CACNA1A: variants seen among roughly 807,000 people sequenced by gnomAD.
CACNA1A encodes the protein calcium voltage-gated channel subunit alpha1 A.
In CACNA1A, 57 loss-of-function variants were observed where a neutral mutation model predicts 262.4. The ratio of observed to expected loss-of-function variants is 0.22; its 90% CI spans 0.18 to 0.27. The LOEUF is 0.27. CACNA1A is among the 10% of genes least tolerant of loss of function. The pLI is 1.00. For synonymous variants in CACNA1A, 1,431 were observed against 1,419.3 expected, an observed-to-expected ratio of 1.01 and a Z score of -0.18; for missense variants, 2,526 against 3,562.8, an observed-to-expected ratio of 0.71 and a Z score of 7.41.
chr19:13,472,689 G>C (rs763520335), intron 1 of CACNA1A, among the ~76,000 whole-genome samples: 2 of 152,042 alleles, frequency 1.3e-5, no homozygotes, highest in Non-Finnish European at 2.9e-5. Flanking sequence ...CTTCACTTAC[G>C]TGGTACCCCT....
At chr19:13,502,992 T>A (rs562269205) in intron 1 of CACNA1A, among the ~76,000 whole-genome samples, 1 of 152,124 alleles carries the variant, frequency 6.6e-6, no homozygotes, top group South Asian at 2.1e-4. Flanking sequence ...CATTTCCAAA[T>A]ACACATCCCA....
chr19:13,348,254 G>A (rs556024907), intron 6 of CACNA1A, among the ~76,000 whole-genome samples: 9 of 152,256 alleles, frequency 5.9e-5, no homozygotes, highest in South Asian at 4.2e-4. Flanking sequence ...CAAATTAAAC[G>A]CAGTTTTTCT....
rs1335330280 is a variant in CACNA1A at position 13,208,165 on chromosome 19, GGGAGGAGGGGGAGGGGGA to G, written c.6781-130_6781-113del. ...CGAAGGGAGAGGGGCCGGGAGGAGA[GGGAGGAGGGGGAGGGGGA>G]GGAGGAGGAGGAGGAGGAGAGGGGG... On this transcript the variant is annotated intron_variant, in intron 46 of 46. Transcript: ENST00000360228. The G allele has an allele frequency of 1.5e-4, 24 of 164,460 alleles. 1 individual carries two copies. Among genetic ancestry groups the G allele is most frequent in the Middle Eastern group, 4.3e-3 (2 of 468 alleles). The allele number at this position is 164,460 out of a possible 1,614,324, so 10.2% of individuals were successfully genotyped here. A position where few individuals can be genotyped will look rare whatever the true frequency, so the allele number is the denominator to read the frequency against.
At chr19:13,286,216 C>T (rs2057395329) in intron 20 of CACNA1A, among the ~76,000 whole-genome samples, 1 of 152,092 alleles carries the variant, frequency 6.6e-6, no homozygotes, top group Admixed American at 6.6e-5. Context: ...ATCAGAGGAC[C>T]CTATTGCTCC....
intron 38 of CACNA1A, among the ~76,000 whole-genome samples, chr19:13,216,651 CTATCTATCTATCTAT>C (rs2055021100): frequency 2.7e-3 from 1 of 376 alleles, no homozygotes; most frequent in African/African-American, 0.015. Flanking sequence ...AAAAATTTAT[CTATCTATCTATCTAT>C]CTATCTATCT....
intron 6 of CACNA1A, among the ~76,000 whole-genome samples, chr19:13,341,361 C>A (rs1432571157): frequency 6.6e-6 from 1 of 151,664 alleles, no homozygotes; most frequent in African/African-American, 2.4e-5. Flanking sequence ...CTCCTGGCCT[C>A]CTGAACTGCG....
At chr19:13,254,463 A>C (rs2144732297) in intron 29 of CACNA1A, among the ~76,000 whole-genome samples, 1 of 151,920 alleles carries the variant, frequency 6.6e-6, no homozygotes, top group Middle Eastern at 3.4e-3. Context: ...CCCGGGTTCA[A>C]GCAATTCTCC....
intron 36 of CACNA1A, 86 bp downstream of exon 36, chr19:13,229,996 C>T (rs1568441496): frequency 1.1e-5 from 16 of 1,493,522 alleles, no homozygotes; most frequent in Non-Finnish European, 1.4e-5. Context: ...GTTCAGTGCT[C>T]CAGAGTCTGG....
intron 19 of CACNA1A, among the ~76,000 whole-genome samples, chr19:13,293,972 ACT>A (rs962075555): frequency 2.0e-5 from 3 of 150,910 alleles, no homozygotes; most frequent in Non-Finnish European, 4.4e-5. Context: ...TCTTTCAAAA[ACT>A]CTTCCTGGCA....
At chr19:13,466,135 G>A (rs1013738410) in intron 1 of CACNA1A, among the ~76,000 whole-genome samples, 16 of 151,986 alleles carry the variant, frequency 1.1e-4, no homozygotes, top group African/African-American at 2.2e-4. Flanking sequence ...CCACAGAGCC[G>A]TTCACTTTAA....
chr19:13,382,066 G>C (rs2059533233), intron 3 of CACNA1A, among the ~76,000 whole-genome samples: 1 of 152,158 alleles, frequency 6.6e-6, no homozygotes. Context: ...GGACCAGGGA[G>C]GTTGTGCTGG....
chr19:13,281,944 G>A (rs538762814), intron 22 of CACNA1A, among the ~76,000 whole-genome samples: 6 of 152,286 alleles, frequency 3.9e-5, no homozygotes, highest in East Asian at 1.9e-4. Flanking sequence ...CCTCCCTGCC[G>A]AAGGCAACGC....
chr19:13,331,438 T>C (rs2058467118), intron 9 of CACNA1A, among the ~76,000 whole-genome samples: 1 of 152,040 alleles, frequency 6.6e-6, no homozygotes, highest in South Asian at 2.1e-4. Context: ...GGTTTCGCCA[T>C]GATGGCCAGG....
rs1180498403 is a variant in CACNA1A at position 13,255,273 on chromosome 19, G to A, written c.4591-14C>T. 1 of 1,579,290 alleles carries A rather than the reference G, an allele frequency of 6.3e-7. No individual in the cohort carries two copies. The highest frequency in any genetic ancestry group is 8.7e-7 in the Non-Finnish European group (1 of 1,155,824). On this transcript the variant is annotated splice_polypyrimidine_tract_variant and intron_variant, in intron 28 of 46. Coordinates refer to ENST00000360228, the MANE Select transcript of CACNA1A (RefSeq NM_001127222.2). ...AATGCAGGCCCTCTGCGGGAGAGAGGCCAGTGGTGAGAGCGGCAGAGGCAG... is the reference window on the plus strand; with the variant it reads ...AATGCAGGCCCTCTGCGGGAGAGAGACCAGTGGTGAGAGCGGCAGAGGCAG...
intron 1 of CACNA1A, among the ~76,000 whole-genome samples, chr19:13,469,458 C>CTTT (rs1568678224): frequency 3.0e-5 from 4 of 133,802 alleles, no homozygotes; most frequent in Admixed American, 8.4e-5. Context: ...CTTGAACCAC[C>CTTT]TCTTTTTTTT....
chr19:13,257,618 G>A lies in CACNA1A; in HGVS notation c.4389-67C>T, dbSNP rs1168509514. 4.1e-6 allele frequency: 4 copies of A among 986,318 alleles called. No homozygotes were observed. The East Asian group carries it at 1.1e-4, about 26-fold the overall frequency. 61.1% of individuals were successfully genotyped at this position (986,318 alleles called of 1,614,324 possible). ...GAGAGACAGGGACCCAAGGGGTGAT[G>A]AGGAAGGTGGAGAGAGGGTGGAAGT... On this transcript the variant is annotated intron_variant, in intron 27 of 46. Coordinates refer to ENST00000360228, the MANE Select transcript of CACNA1A (RefSeq NM_001127222.2).
In CACNA1A at chr19:13,335,620, G is replaced by T. The variant is rs116966283; in HGVS notation, c.1082+186C>A. On this transcript the variant is annotated intron_variant, in intron 7 of 46. Coordinates refer to ENST00000360228, the MANE Select transcript of CACNA1A (RefSeq NM_001127222.2). The stretch of plus-strand genomic sequence containing the variant: ...AAGCCCATATGAACCCTCTCACTGG[G>T]TACCCCTAGCAGTACACAACCTCTG... Among the ~76,000 whole-genome samples, 2,222 of 152,234 alleles carry T rather than the reference G, an allele frequency of 0.015. 23 individuals are homozygous for T. The highest frequency in any genetic ancestry group is 0.05 in the South Asian group (240 of 4,814).
At chr19:13,331,276 G>A (rs188600420) in intron 9 of CACNA1A, among the ~76,000 whole-genome samples, 4 of 151,932 alleles carry the variant, frequency 2.6e-5, no homozygotes, top group East Asian at 1.9e-4. Flanking sequence ...TTGCTCTGTC[G>A]CCTAGGCTGG....
At chr19:13,376,007 C>T (rs1178679518) in intron 3 of CACNA1A, among the ~76,000 whole-genome samples, 1 of 152,104 alleles carries the variant, frequency 6.6e-6, no homozygotes, top group Non-Finnish European at 1.5e-5. Flanking sequence ...AAGCCTAATC[C>T]ACAGCAAGCC....
Sources: allele counts gnomAD v4.1 joint callset (sites outside exome capture counted in the v4.1 genomes callset), GRCh38; gene constraint gnomAD v4.1.1; transcripts MANE v1.5; gene names NCBI Gene and HGNC (gene_info 2026-07-23, HGNC 2026-07-21).